ARID2: variants seen among roughly 807,000 people sequenced by gnomAD.
ARID2 encodes the protein AT-rich interactive domain-containing protein 2.
ARID2 carries 32 observed loss-of-function variants against 184.6 expected under a neutral mutation model. The ratio of observed to expected loss-of-function variants is 0.17; its 90% CI spans 0.13 to 0.23. The LOEUF (loss-of-function observed/expected upper bound fraction) is 0.23. Among genes scored for constraint, ARID2 ranks in the 10% least tolerant of loss-of-function variants. ARID2 has a pLI of 1.00. For synonymous variants in ARID2, 836 were observed against 772.6 expected (o/e 1.08, Z -1.36); for missense variants, 1,696 against 2,197.6 (o/e 0.77, Z 4.56).
chr12:45,741,343 G>A (rs551531461), intron 3 of ARID2, among the ~76,000 whole-genome samples: 14 of 152,132 alleles, frequency 9.2e-5, no homozygotes, highest in Admixed American at 4.6e-4. Flanking sequence ...GACTACAGGC[G>A]CATGCCACCC....
rs1943570880 is a variant in ARID2, at chr12:45,852,419, G to C, written c.4296G>C (p.Gln1432His). The C allele has an allele frequency of 6.2e-7, 1 of 1,614,130 alleles. No individual in the cohort carries two copies. The highest frequency in any genetic ancestry group is 8.5e-7 in the Non-Finnish European group (1 of 1,179,998). Residue 1432 changes from glutamine to histidine, a missense_variant, in exon 15 of 21, where the codon CAG (glutamine) becomes CAC (histidine). Transcript: ENST00000334344. ...GTGGTTCATCTGTGAGCAGTATACA[G>C]GAGGCTTCAAATGCGGCAACACAGC... ...TLGGSSVSSIQEASNAATQQF... is the reference protein window; with the variant it reads ...TLGGSSVSSIHEASNAATQQF...
At chr12:45,736,770 G>T (rs377012269) in intron 3 of ARID2, among the ~76,000 whole-genome samples, 1 of 152,208 alleles carries the variant, frequency 6.6e-6, no homozygotes, top group Non-Finnish European at 1.5e-5. Flanking sequence ...AAATGAACTT[G>T]AGCAAAAGGC....
chr12:45,807,081 A>C (rs1397094542), intron 3 of ARID2, among the ~76,000 whole-genome samples: 1 of 152,202 alleles, frequency 6.6e-6, no homozygotes, highest in Non-Finnish European at 1.5e-5. Context: ...CCACCAGACC[A>C]TATTACTTTC....
chr12:45,772,016 A>G (rs1941887415), intron 3 of ARID2, among the ~76,000 whole-genome samples: 1 of 152,200 alleles, frequency 6.6e-6, no homozygotes, highest in African/African-American at 2.4e-5. Context: ...ATAGAGCTAT[A>G]TAGGAGTAAC....
intron 3 of ARID2, among the ~76,000 whole-genome samples, chr12:45,772,336 TC>T (rs1243810854): frequency 6.6e-6 from 1 of 152,148 alleles, no homozygotes; most frequent in African/African-American, 2.4e-5. Context: ...ACACCTGTAG[TC>T]CTAGCTACTC....
chr12:45,798,450 A>G (rs1279317923), intron 3 of ARID2, among the ~76,000 whole-genome samples: 6 of 152,210 alleles, frequency 3.9e-5, no homozygotes, highest in East Asian at 1.9e-4. Flanking sequence ...TGAATAACCT[A>G]TGTTTGTTCT....
At chr12:45,816,184 T>C (rs1942800368) in intron 4 of ARID2, among the ~76,000 whole-genome samples, 1 of 152,196 alleles carries the variant, frequency 6.6e-6, no homozygotes, top group Admixed American at 6.5e-5. Flanking sequence ...TTTTATCCCA[T>C]CTTCAAAGTT....
intron 3 of ARID2, among the ~76,000 whole-genome samples, chr12:45,754,433 ATTAG>A (rs1941524811): frequency 6.6e-6 from 1 of 152,188 alleles, no homozygotes; most frequent in Non-Finnish European, 1.5e-5. Context: ...CGTTGGTAGA[ATTAG>A]TTAGTAGAAT....
intron 6 of ARID2, among the ~76,000 whole-genome samples, chr12:45,827,649 G>C (rs951342725): frequency 6.6e-6 from 1 of 152,088 alleles, no homozygotes; most frequent in Non-Finnish European, 1.5e-5. Flanking sequence ...TAGATAATAT[G>C]ACCAGAAAGG....
intron 3 of ARID2, among the ~76,000 whole-genome samples, chr12:45,785,966 C>T (rs1197407656): frequency 1.3e-5 from 2 of 152,098 alleles, no homozygotes; most frequent in Non-Finnish European, 2.9e-5. Flanking sequence ...GAAACCATTC[C>T]CTGCTGTCAG....
intron 16 of ARID2, among the ~76,000 whole-genome samples, chr12:45,876,569 G>GAA (rs34953202): frequency 2.2e-5 from 3 of 135,672 alleles, no homozygotes; most frequent in Non-Finnish European, 4.8e-5. Context: ...GAAAAAAAAG[G>GAA]AAAAAAAAAA....
chr12:45,834,650 G>C (rs557755407), intron 6 of ARID2, among the ~76,000 whole-genome samples: 10 of 152,308 alleles, frequency 6.6e-5, no homozygotes, highest in Admixed American at 1.3e-4. Flanking sequence ...GGTTGAGGCA[G>C]AATCGCTTGA....
At chr12:45,769,644 T>C (rs1941831878) in intron 3 of ARID2, among the ~76,000 whole-genome samples, 1 of 152,210 alleles carries the variant, frequency 6.6e-6, no homozygotes, top group African/African-American at 2.4e-5. Context: ...TTTTCTTTCA[T>C]TGCCAAATTT....
chr12:45,835,825 G>A (rs976489867), intron 6 of ARID2, among the ~76,000 whole-genome samples: 4 of 151,966 alleles, frequency 2.6e-5, no homozygotes, highest in Non-Finnish European at 4.4e-5. Flanking sequence ...ACTTGAACCC[G>A]GGAGGTGGAG....
intron 15 of ARID2, among the ~76,000 whole-genome samples, chr12:45,856,970 G>C (rs185385657): frequency 6.6e-6 from 1 of 152,050 alleles, no homozygotes; most frequent in Non-Finnish European, 1.5e-5. Context: ...ATTGGTATCT[G>C]TTGGAAACAT....
At chr12:45,804,765 A>T (rs1942570749) in intron 3 of ARID2, among the ~76,000 whole-genome samples, 1 of 152,072 alleles carries the variant, frequency 6.6e-6, no homozygotes, top group Non-Finnish European at 1.5e-5. Context: ...CCTCCAAAAA[A>T]TTTAACCTTA....
chr12:45,745,319 A>G (rs952301506), intron 3 of ARID2, among the ~76,000 whole-genome samples: 2 of 152,142 alleles, frequency 1.3e-5, no homozygotes, highest in Admixed American at 6.5e-5. Flanking sequence ...TTTTAAGAAG[A>G]TGGTCTAGCC....
chr12:45,853,909 C>T (rs1483878176), intron 15 of ARID2, among the ~76,000 whole-genome samples: 1 of 152,228 alleles, frequency 6.6e-6, no homozygotes, highest in East Asian at 1.9e-4. Flanking sequence ...GAATAACTGA[C>T]AGGTACCAGT....
chr12:45,777,064 T>C (rs1941998266), intron 3 of ARID2, among the ~76,000 whole-genome samples: 1 of 151,728 alleles, frequency 6.6e-6, no homozygotes, highest in Non-Finnish European at 1.5e-5. Context: ...AGTGCTGGGA[T>C]TACAGACGTG....
Sources: gnomAD v4.1 joint callset for allele counts (sites outside exome capture counted in the v4.1 genomes callset) on GRCh38, gnomAD v4.1.1 for gene constraint, MANE v1.5 for transcripts, NCBI Gene and HGNC (gene_info 2026-07-23, HGNC 2026-07-21) for gene names.